ASB17: variants seen among roughly 807,000 people sequenced by gnomAD.
The protein encoded by ASB17 is ankyrin repeat and SOCS box containing 17.
Under a neutral mutation model 25.7 loss-of-function variants are expected in ASB17, and 26 were observed. The observed-to-expected ratio is 1.01, with a 90% confidence interval of 0.74 to 1.40. ASB17 has a LOEUF of 1.40. Among genes scored for constraint, ASB17 ranks in the 40% most tolerant of loss-of-function variants. The pLI is 0.00. For synonymous variants in ASB17, 128 were observed against 121.4 expected, an observed-to-expected ratio of 1.05 and a Z score of -0.36; for missense variants, 326 against 338.5, an observed-to-expected ratio of 0.96 and a Z score of 0.29.
chr1:75,931,809 G>A (rs577407367), intron 1 of ASB17, 82 bp downstream of exon 1: 49 of 1,308,476 alleles, frequency 3.7e-5, no homozygotes, highest in Non-Finnish European at 4.8e-5. Context: ...CACTATACAT[G>A]TGAGTTTTAG....
At chr1:75,927,072 A>G (rs911051054) in intron 1 of ASB17, among the ~76,000 whole-genome samples, 15 of 152,120 alleles carry the variant, frequency 9.9e-5, no homozygotes, top group Admixed American at 6.5e-4. Context: ...AGATATGATG[A>G]TATTACAGTG....
At chr1:75,919,312 G>T (rs1652966153) in intron 2 of ASB17, among the ~76,000 whole-genome samples, 154 bp from the exon 3 acceptor site, 1 of 151,794 alleles carries the variant, frequency 6.6e-6, no homozygotes, top group South Asian at 2.1e-4. Flanking sequence ...CTTGAGGCAA[G>T]TATTTTATTC....
chr1:75,932,268 A>G lies in ASB17; in HGVS notation c.24T>C (p.Cys8=). The G allele has an allele frequency of 6.2e-7, 1 of 1,610,522 alleles. No individual in the cohort carries two copies. ...TGCTTCTTGGACAAGAAGTCTTACC[A>G]CATAATTTAGTAGATTTACTCATTG... The part of the protein sequence containing the change: MSKSTKL[C]GKTSCPRSNI... The change falls in exon 1 of 3, where the codon TGT becomes TGC. Residue 8 remains cysteine (C), a synonymous_variant. Transcript: ENST00000284142.
chr1:75,930,345 T>G (rs1466937453), intron 1 of ASB17, among the ~76,000 whole-genome samples: 1 of 145,274 alleles, frequency 6.9e-6, no homozygotes, highest in Non-Finnish European at 1.5e-5. Context: ...TATAAATATA[T>G]GTAAATATAA....
At chr1:75,929,633 T>G (rs1653269891) in intron 1 of ASB17, among the ~76,000 whole-genome samples, 1 of 152,164 alleles carries the variant, frequency 6.6e-6, no homozygotes, top group Non-Finnish European at 1.5e-5. Context: ...CCATTTTGTA[T>G]TTTTAAAAGG....
chr1:75,932,300 A>T lies in ASB17; in HGVS notation c.-9T>A. On this transcript the variant is annotated 5_prime_UTR_variant, in exon 1 of 3. It removes the in-frame stop codon of an upstream open reading frame in the 5' UTR. Transcript: ENST00000284142. Reference sequence around the variant, plus strand: ...TTAGTAGATTTACTCATTGTTACTTATAGCAGCACTGTAGAAATAAAATCA... The same window carrying T: ...TTAGTAGATTTACTCATTGTTACTTTTAGCAGCACTGTAGAAATAAAATCA... 6.3e-7 allele frequency: 1 copy of T among 1,583,970 alleles called. No homozygotes were observed. The highest frequency in any genetic ancestry group is 1.2e-5 in the South Asian group (1 of 85,830).
At chr1:75,926,448 A>G (rs778905062) in intron 1 of ASB17, among the ~76,000 whole-genome samples, 5 of 152,232 alleles carry the variant, frequency 3.3e-5, no homozygotes, top group Non-Finnish European at 1.5e-5. Flanking sequence ...TCAGGGCCCT[A>G]TGGCGGGAGA....
In ASB17 at chr1:75,932,136, T is replaced by C; in HGVS notation, c.156A>G (p.Ala52=). ...CCAAGTCCACATACCTCAGAATTTT[T>C]GCCAGTGATCTGTAAATCCTTGGTT... ...CYEPRIYRSL[A]KILRYVDLDG... The change falls in exon 1 of 3, where the codon GCA becomes GCG. Residue 52 remains alanine, a synonymous_variant. Transcript: ENST00000284142. 1 of 1,614,148 alleles carries C rather than the reference T, an allele frequency of 6.2e-7. No individual in the cohort carries two copies. Among genetic ancestry groups the C allele is most frequent in the Admixed American group, 1.7e-5 (1 of 60,022 alleles).
At chr1:75,931,799 C>A in intron 1 of ASB17, 92 bp downstream of exon 1, 1 of 1,151,280 alleles carries the variant, frequency 8.7e-7, no homozygotes, top group Non-Finnish European at 1.2e-6. Context: ...CACATATAGC[C>A]ACTATACATG....
Position 75,919,176 on chromosome 1 carries a change from AT to A in ASB17, c.682-19del. On this transcript the variant is annotated intron_variant, in intron 2 of 2. Transcript: ENST00000284142. ...AGCTGTGTCTGAAGAAAAGCAAAAT[AT>A]TTTACTTTTGTAATGTTTTGTAATT... 1.9e-6 allele frequency: 3 copies of A among 1,569,116 alleles called. No individual in the cohort carries two copies. The highest frequency in any genetic ancestry group is 2.6e-6 in the Non-Finnish European group (3 of 1,147,150).
rs544687376 is a variant in ASB17 at position 75,924,671 on chromosome 1, C to T, written c.402-2312G>A. 3.9e-5 allele frequency among the ~76,000 whole-genome samples: 6 copies of T among 152,198 alleles called. No individual in the cohort carries two copies. The East Asian group carries it at 5.8e-4, about 15-fold the overall frequency. ...TGTCATGGGCATATTATCTTTTTTA[C>T]AAATACTTCCAACGCATGGAGAACT... is the stretch of plus-strand genomic sequence containing the variant. On this transcript the variant is annotated intron_variant, in intron 1 of 2. Transcript: ENST00000284142.
chr1:75,923,215 G>T (rs1653076408), intron 1 of ASB17, among the ~76,000 whole-genome samples: 1 of 152,060 alleles, frequency 6.6e-6, no homozygotes. Context: ...ATTAGAGTTG[G>T]TTGGGCTTAG....
chr1:75,930,327 C>A (rs1042283103), intron 1 of ASB17, among the ~76,000 whole-genome samples: 6 of 144,558 alleles, frequency 4.2e-5, no homozygotes, highest in South Asian at 2.2e-4. Flanking sequence ...TATATAACTA[C>A]ATATAAATAT....
chr1:75,930,528 C>A (rs541744297), intron 1 of ASB17, among the ~76,000 whole-genome samples: 382 of 151,960 alleles, frequency 2.5e-3, no homozygotes, highest in Non-Finnish European at 4.3e-3. Context: ...TTCTCAGGCT[C>A]CATACAAATA....
At chr1:75,926,600 A>T (rs1228821085) in intron 1 of ASB17, among the ~76,000 whole-genome samples, 2 of 152,180 alleles carry the variant, frequency 1.3e-5, no homozygotes, top group Non-Finnish European at 2.9e-5. Flanking sequence ...AGGACAAGCC[A>T]TTGGAGGTTT....
At position 75,922,304 on chromosome 1, in the gene ASB17, A is replaced by G; in HGVS notation, c.457T>C (p.Tyr153His). Residue 153 changes from tyrosine to histidine, a missense_variant, in exon 2 of 3, where the codon TAT (tyrosine) becomes CAT (histidine). Physicochemically the swap from Tyr to His is moderately conservative, Grantham distance 83. Coordinates refer to ENST00000284142, the MANE Select transcript of ASB17 (RefSeq NM_080868.3). ...SPLSGITPLF[Y>H]VAQTRQSNIF... Reference sequence around the variant, plus strand: ...TTAGACTGTCTTGTCTGAGCTACATAAAAGAGAGGTGTGATGCCACTTAAT... The same window carrying G: ...TTAGACTGTCTTGTCTGAGCTACATGAAAGAGAGGTGTGATGCCACTTAAT... 6.2e-7 allele frequency: 1 copy of G among 1,613,548 alleles called. No individual in the cohort carries two copies. Among genetic ancestry groups the G allele is most frequent in the Non-Finnish European group, 8.5e-7 (1 of 1,179,778 alleles).
intron 1 of ASB17, among the ~76,000 whole-genome samples, chr1:75,928,078 C>G (rs1479435534): frequency 1.3e-5 from 2 of 152,156 alleles, no homozygotes; most frequent in Non-Finnish European, 2.9e-5. Context: ...TCTTTGTTAT[C>G]TTTTAAAAAT....
chr1:75,923,751 C>T (rs1173086142), intron 1 of ASB17, among the ~76,000 whole-genome samples: 1 of 152,096 alleles, frequency 6.6e-6, no homozygotes, highest in Non-Finnish European at 1.5e-5. Context: ...ACAATAGAGA[C>T]AAGTGTTCTA....
At chr1:75,928,023 C>T (rs1253738675) in intron 1 of ASB17, among the ~76,000 whole-genome samples, 1 of 152,148 alleles carries the variant, frequency 6.6e-6, no homozygotes, top group Non-Finnish European at 1.5e-5. Flanking sequence ...CAGTAATCCT[C>T]CTTCTATCTA....
Sources: allele counts gnomAD v4.1 joint callset (sites outside exome capture counted in the v4.1 genomes callset), GRCh38; gene constraint gnomAD v4.1.1; transcripts MANE v1.5; gene names NCBI Gene and HGNC (gene_info 2026-07-23, HGNC 2026-07-21).